VPS13B: variants seen among roughly 807,000 people sequenced by gnomAD.
The protein encoded by VPS13B is intermembrane lipid transfer protein VPS13B.
A neutral mutation model predicts 426.4 loss-of-function variants in VPS13B; 285 were observed. The observed-to-expected ratio is 0.67, with a 90% CI of 0.61 to 0.74. The LOEUF is 0.74. Among genes scored for constraint, VPS13B ranks in the 30% least tolerant of loss-of-function variants. The pLI is 0.00. For missense variants in VPS13B, 4,537 were observed against 4,782.6 expected, an observed-to-expected ratio of 0.95 and a Z score of 1.51; for synonymous variants, 1,676 against 1,676.4, an observed-to-expected ratio of 1.00 and a Z score of 0.01.
chr8:99,376,674 T>G lies in VPS13B; in HGVS notation c.2825-7534T>G, dbSNP rs945686317. 7.9e-5 allele frequency among the ~76,000 whole-genome samples: 12 copies of G among 152,250 alleles called. No homozygotes were observed. The South Asian group carries it at 8.3e-4, about 11-fold the overall frequency. On this transcript the variant is annotated intron_variant, in intron 19 of 61. Coordinates refer to ENST00000357162, the MANE Select transcript of VPS13B (RefSeq NM_152564.5). Reference sequence around the variant, plus strand: ...TTGAAAATTCATTGAACACATTTAGTTTTAGACATATCTGAAAAGACTTCT... The same window carrying G: ...TTGAAAATTCATTGAACACATTTAGGTTTAGACATATCTGAAAAGACTTCT...
At chr8:99,560,937 G>A (rs1402847888) in intron 31 of VPS13B, among the ~76,000 whole-genome samples, 1 of 152,056 alleles carries the variant, frequency 6.6e-6, no homozygotes, top group Non-Finnish European at 1.5e-5. Context: ...AAATTTTATG[G>A]CCACCTAGCC....
chr8:99,427,384 C>T (rs1357828983), intron 21 of VPS13B, among the ~76,000 whole-genome samples: 1 of 143,468 alleles, frequency 7.0e-6, no homozygotes, highest in Non-Finnish European at 1.5e-5. Flanking sequence ...TTAGGATTGA[C>T]TTGGCAATGC....
At chr8:99,299,580 T>G (rs1285347660) in intron 19 of VPS13B, among the ~76,000 whole-genome samples, 1 of 152,082 alleles carries the variant, frequency 6.6e-6, no homozygotes, top group African/African-American at 2.4e-5. Context: ...ATGCTAAACT[T>G]ACAGATTTTT....
At chr8:99,720,765 T>G in intron 38 of VPS13B, 98 bp from the exon 39 acceptor site, 1 of 1,264,194 alleles carries the variant, frequency 7.9e-7, no homozygotes, top group Non-Finnish European at 1.1e-6. Flanking sequence ...ACTAGCTTCT[T>G]TATATCTTTT....
chr8:99,342,625 T>TA (rs751377901), intron 19 of VPS13B, among the ~76,000 whole-genome samples: 5 of 152,182 alleles, frequency 3.3e-5, no homozygotes, highest in Non-Finnish European at 7.4e-5. Flanking sequence ...TATACTGCAT[T>TA]AAAAAAATCA....
Position 99,362,125 on chromosome 8 carries a change from A to G in VPS13B, c.2825-22083A>G, listed in dbSNP as rs72672385. On this transcript the variant is annotated intron_variant, in intron 19 of 61. Coordinates refer to ENST00000357162, the MANE Select transcript of VPS13B (RefSeq NM_152564.5). ...ATAAATGTTGATAAGGGCAGCTATTATATTTTAATTTGTCTTTTTTTTTTT... is the reference window on the plus strand; with the variant it reads ...ATAAATGTTGATAAGGGCAGCTATTGTATTTTAATTTGTCTTTTTTTTTTT... Among the ~76,000 whole-genome samples, 1,187 of 147,718 alleles carry G rather than the reference A, an allele frequency of 8.0e-3. 12 individuals are homozygous for G. Among genetic ancestry groups the G allele is most frequent in the South Asian group, 0.04 (187 of 4,664 alleles).
At position 99,823,724 on chromosome 8, in the gene VPS13B, G is replaced by A. The variant is rs954421241; in HGVS notation, c.9184-108G>A. ...CTGGGGAAAAACAAAGGTAAAATTG[G>A]TACTGTCCTGGCAGACAATTAGATA... On this transcript the variant is annotated intron_variant, in intron 50 of 61. Coordinates refer to ENST00000357162, the MANE Select transcript of VPS13B (RefSeq NM_152564.5). 1.4e-5 allele frequency: 16 copies of A among 1,184,664 alleles called. No individual in the cohort carries two copies. In the East Asian group the frequency reaches 3.1e-4, roughly 23 times the overall value. The allele number at this position is 1,184,664 out of a possible 1,614,324, so 73.4% of individuals were successfully genotyped here. A position where few individuals can be genotyped will look rare whatever the true frequency, so the allele number is the denominator to read the frequency against.
rs192231516 is a variant in VPS13B, at chr8:99,040,841, A to G, written c.291+2275A>G. ...AGTATGATTAAAAGGTAGGAATATG[A>G]GGCTTAAATCAGATAAGATCATTCC... On this transcript the variant is annotated intron_variant, in intron 3 of 61. Transcript: ENST00000357162. Among the ~76,000 whole-genome samples, 7 of 152,282 alleles carry G rather than the reference A, an allele frequency of 4.6e-5. No individual in the cohort carries two copies. In the South Asian group the frequency reaches 1.0e-3, roughly 23 times the overall value.
At chr8:99,178,757 A>G (rs4615539) in intron 16 of VPS13B, among the ~76,000 whole-genome samples, 2,954 of 151,860 alleles carry the variant, frequency 0.019, 288 homozygotes, top group Admixed American at 0.15. Flanking sequence ...AAGTAGCTGT[A>G]ATTACAGATG....
At chr8:99,292,335 A>G (rs994403702) in intron 19 of VPS13B, among the ~76,000 whole-genome samples, 2 of 152,120 alleles carry the variant, frequency 1.3e-5, no homozygotes, top group Non-Finnish European at 2.9e-5. Flanking sequence ...ACTCATTTAT[A>G]ATAGCTGAAC....
At chr8:99,752,471 A>G (rs1810447052) in intron 39 of VPS13B, among the ~76,000 whole-genome samples, 1 of 152,186 alleles carries the variant, frequency 6.6e-6, no homozygotes, top group Admixed American at 6.5e-5. Context: ...ATATACTACA[A>G]TAGTCAGAGT....
chr8:99,360,963 C>A (rs901405260), intron 19 of VPS13B, among the ~76,000 whole-genome samples: 3 of 152,182 alleles, frequency 2.0e-5, no homozygotes, highest in African/African-American at 7.2e-5. Flanking sequence ...TCATCACTCT[C>A]AATCCGTTCT....
chr8:99,818,469 T>TTTTATG lies in VPS13B; in HGVS notation c.8380_8381insTTTATG (p.Ser2794delinsPheTyrAla). The TTTTATG allele has an allele frequency of 6.2e-7, 1 of 1,614,072 alleles. No homozygotes were observed. Among genetic ancestry groups the TTTTATG allele is most frequent in the South Asian group, 1.1e-5 (1 of 91,082 alleles). On this transcript the variant is annotated protein_altering_variant, in exon 46 of 62. Coordinates refer to ENST00000357162, the MANE Select transcript of VPS13B (RefSeq NM_152564.5). ...TGTGCAGGTGCCATCTTCAAACAGT[T>TTTTATG]CCATTATTTATGTCTGGTGCACAGT...
intron 36 of VPS13B, among the ~76,000 whole-genome samples, chr8:99,706,715 A>G (rs1294609297): frequency 6.6e-6 from 1 of 152,152 alleles, no homozygotes; most frequent in East Asian, 1.9e-4. Flanking sequence ...TTCCAGCCCT[A>G]ATAATTAAGT....
intron 34 of VPS13B, among the ~76,000 whole-genome samples, chr8:99,654,776 C>A (rs1829959380): frequency 6.6e-6 from 1 of 151,688 alleles, no homozygotes; most frequent in Non-Finnish European, 1.5e-5. Context: ...TAGGAATTTC[C>A]AAAATGCTGT....
chr8:99,029,218 A>T (rs1178215809), intron 2 of VPS13B, among the ~76,000 whole-genome samples: 5 of 135,254 alleles, frequency 3.7e-5, no homozygotes, highest in Non-Finnish European at 7.8e-5. Context: ...CCTAGATGGG[A>T]TGGCGGCGGG....
At chr8:99,495,309 C>T (rs1468596893) in intron 25 of VPS13B, among the ~76,000 whole-genome samples, 5 of 152,118 alleles carry the variant, frequency 3.3e-5, no homozygotes, top group South Asian at 2.1e-4. Context: ...TATGTAAATA[C>T]GTAAAACTAT....
intron 22 of VPS13B, among the ~76,000 whole-genome samples, chr8:99,437,119 A>G (rs1817422309): frequency 6.6e-6 from 1 of 152,316 alleles, no homozygotes; most frequent in South Asian, 2.1e-4. Flanking sequence ...ATAAAACAGG[A>G]CATCATAACT....
At chr8:99,453,927 G>T (rs1818325658) in intron 23 of VPS13B, among the ~76,000 whole-genome samples, 1 of 152,090 alleles carries the variant, frequency 6.6e-6, no homozygotes, top group South Asian at 2.1e-4. Context: ...TTTGCATTCT[G>T]TGGACTTGGA....
Sources: allele counts gnomAD v4.1 joint callset (sites outside exome capture counted in the v4.1 genomes callset), GRCh38; gene constraint gnomAD v4.1.1; transcripts MANE v1.5; gene names NCBI Gene and HGNC (gene_info 2026-07-23, HGNC 2026-07-21).